MGLL: variants seen among roughly 807,000 people sequenced by gnomAD.
The protein encoded by MGLL is monoglyceride lipase, also known as lysophospholipase homolog.
In MGLL, 7 loss-of-function variants were observed where a neutral mutation model predicts 29.1. The observed-to-expected ratio is 0.24, with a 90% CI of 0.14 to 0.45. The LOEUF (loss-of-function observed/expected upper bound fraction) is 0.45. Among genes scored for constraint, MGLL ranks in the 20% least tolerant of loss-of-function variants. The pLI is 0.99. For synonymous variants in MGLL, 148 were observed against 168.3 expected, an observed-to-expected ratio of 0.88 and a Z score of 0.93; for missense variants, 356 against 413.6, an observed-to-expected ratio of 0.86 and a Z score of 1.21.
chr3:127,717,395 A>G (rs2075836074), intron 5 of MGLL, among the ~76,000 whole-genome samples: 2 of 152,226 alleles, frequency 1.3e-5, no homozygotes, highest in South Asian at 4.1e-4. Context: ...CTGGTGCTCA[A>G]GCTGACTCGA....
intron 6 of MGLL, among the ~76,000 whole-genome samples, chr3:127,705,758 G>T (rs1317351605): frequency 7.2e-6 from 1 of 139,110 alleles, no homozygotes; most frequent in Non-Finnish European, 1.5e-5. Context: ...CCTGGGCGAC[G>T]AGAGAGAAAC....
At chr3:127,714,927 G>C (rs2107613188) in intron 5 of MGLL, among the ~76,000 whole-genome samples, 1 of 152,324 alleles carries the variant, frequency 6.6e-6, no homozygotes, top group Middle Eastern at 3.4e-3. Flanking sequence ...ATGGTAGCGG[G>C]CACAGCACAC....
In MGLL at chr3:127,691,125, A is replaced by T. The variant is rs572527266; in HGVS notation, c.*1073T>A. The T allele has an allele frequency of 2.0e-5, 3 of 152,696 alleles. No individual in the cohort carries two copies. The South Asian group carries it at 6.2e-4, about 32-fold the overall frequency. 9.5% of individuals were successfully genotyped at this position (152,696 alleles called of 1,614,324 possible). ...GGCAGGCCCAGGCCCAGGCCTAGGG[A>T]TCATAGCCCCATAGGGTGCCACTGC... On this transcript the variant is annotated 3_prime_UTR_variant, in exon 8 of 8. Transcript: ENST00000265052.
intron 6 of MGLL, among the ~76,000 whole-genome samples, chr3:127,699,242 T>C (rs549849235): frequency 6.6e-6 from 1 of 152,212 alleles, no homozygotes; most frequent in Non-Finnish European, 1.5e-5. Context: ...GGGAAGAAAC[T>C]TTGCACTGAA....
intron 3 of MGLL, among the ~76,000 whole-genome samples, chr3:127,752,464 C>T (rs1414174459): frequency 1.3e-5 from 2 of 152,200 alleles, no homozygotes; most frequent in Non-Finnish European, 2.9e-5. Context: ...CCCTTAACAA[C>T]AGGTCTTGGA....
At chr3:127,751,511 G>A (rs1455507956) in intron 3 of MGLL, among the ~76,000 whole-genome samples, 1 of 151,842 alleles carries the variant, frequency 6.6e-6, no homozygotes, top group Non-Finnish European at 1.5e-5. Context: ...CCAGCCAACA[G>A]CCAGATGATT....
upstream of MGLL, chr3:127,823,161 T>G (rs1432561078): frequency 2.0e-5 from 3 of 151,596 alleles, no homozygotes; most frequent in South Asian, 4.1e-4. Context: ...CGGGACGAGC[T>G]GCGCGCGACC....
rs145807213 is a variant in MGLL at position 127,727,670 on chromosome 3, C to T, written c.263-5104G>A. 5.9e-3 allele frequency among the ~76,000 whole-genome samples: 833 copies of T among 140,404 alleles called. 9 individuals are homozygous for T. The highest frequency in any genetic ancestry group is 0.021 in the Middle Eastern group (5 of 238). The allele number at this position is 140,404 out of a possible 152,430, so 92.1% of individuals were successfully genotyped here. On this transcript the variant is annotated intron_variant, in intron 3 of 7. Transcript: ENST00000265052. ...AAGGCTGCAGTGAGCCATGATCGTG[C>T]CACTGGGCTCCAGCCTGGGCAACAG...
At chr3:127,777,073 T>C (rs531939028) in intron 3 of MGLL, among the ~76,000 whole-genome samples, 1,897 of 151,436 alleles carry the variant, frequency 0.013, 44 homozygotes, top group African/African-American at 0.045. Context: ...GGTCATGTTC[T>C]CATTAGGACA....
At chr3:127,714,095 A>G (rs1181275870) in intron 5 of MGLL, 3 of 151,816 alleles carry the variant, frequency 2.0e-5, no homozygotes, top group African/African-American at 7.3e-5. Flanking sequence ...TTCGTAGGAA[A>G]AAAAAAAAAA....
intron 3 of MGLL, among the ~76,000 whole-genome samples, chr3:127,755,058 C>A (rs1008246198): frequency 5.3e-5 from 8 of 152,076 alleles, no homozygotes; most frequent in African/African-American, 1.9e-4. Context: ...CAGTCACGAG[C>A]TGTGGCATCC....
intron 2 of MGLL, among the ~76,000 whole-genome samples, chr3:127,811,235 C>T (rs748917870): frequency 4.4e-5 from 6 of 136,040 alleles, no homozygotes; most frequent in Non-Finnish European, 7.4e-5. Flanking sequence ...ATGCAACAAA[C>T]GTGTTTTGAT....
chr3:127,764,334 G>C (rs1258952275), intron 3 of MGLL, among the ~76,000 whole-genome samples: 2 of 152,214 alleles, frequency 1.3e-5, no homozygotes, highest in Non-Finnish European at 2.9e-5. Context: ...TGCAGACCTG[G>C]AGTGGAAGGG....
At chr3:127,799,708 G>T (rs1269564921) in intron 2 of MGLL, among the ~76,000 whole-genome samples, 3 of 152,152 alleles carry the variant, frequency 2.0e-5, no homozygotes, top group Non-Finnish European at 4.4e-5. Flanking sequence ...CAGGCATCTT[G>T]GCAGCCCCCA....
intron 2 of MGLL, among the ~76,000 whole-genome samples, chr3:127,798,667 A>T (rs1393360303): frequency 1.3e-5 from 2 of 152,130 alleles, no homozygotes; most frequent in African/African-American, 4.8e-5. Flanking sequence ...ATCTGTGCTC[A>T]CACAAATGCC....
Position 127,691,933 on chromosome 3 carries a change from A to G in MGLL, c.*265T>C. 2.1e-6 allele frequency: 1 copy of G among 482,358 alleles called. No homozygotes were observed. The allele number at this position is 482,358 out of a possible 1,614,324, so 29.9% of individuals were successfully genotyped here. Reference sequence around the variant, plus strand: ...AGAGGCTTGGCTTTGTTTTCAGTGGACATTTTAGCACATTCTTTGTGGAAA... The same window carrying G: ...AGAGGCTTGGCTTTGTTTTCAGTGGGCATTTTAGCACATTCTTTGTGGAAA... On this transcript the variant is annotated 3_prime_UTR_variant, in exon 8 of 8. Transcript: ENST00000265052.
In MGLL at chr3:127,822,408, A is replaced by G. The variant is rs897566692; in HGVS notation, c.-90T>C. On this transcript the variant is annotated 5_prime_UTR_variant, in exon 1 of 8. Coordinates refer to ENST00000265052, the MANE Select transcript of MGLL (RefSeq NM_007283.7). ...CTGTTCCCTCATCTGGGCGGCCCCA[A>G]GGCAGCAGGAAGGCAGCTCCGAGCC... 21 of 1,423,712 alleles carry G rather than the reference A, an allele frequency of 1.5e-5. No homozygotes were observed. Among genetic ancestry groups the G allele is most frequent in the African/African-American group, 1.1e-4 (8 of 70,600 alleles). 88.2% of individuals were successfully genotyped at this position (1,423,712 alleles called of 1,614,324 possible). A position where few individuals can be genotyped will look rare whatever the true frequency, so the allele number is the denominator to read the frequency against.
At chr3:127,730,545 C>T (rs915591806) in intron 3 of MGLL, among the ~76,000 whole-genome samples, 1 of 152,156 alleles carries the variant, frequency 6.6e-6, no homozygotes, top group Admixed American at 6.5e-5. Context: ...ATGGCATCCA[C>T]TGTAATTCCC....
At chr3:127,742,363 G>A (rs979181351) in intron 3 of MGLL, among the ~76,000 whole-genome samples, 1 of 152,146 alleles carries the variant, frequency 6.6e-6, no homozygotes, top group Admixed American at 6.5e-5. Flanking sequence ...GCCAATGTGG[G>A]TGGATCACCT....
Sources: allele counts gnomAD v4.1 joint callset (sites outside exome capture counted in the v4.1 genomes callset), GRCh38; gene constraint gnomAD v4.1.1; transcripts MANE v1.5; gene names NCBI Gene and HGNC (gene_info 2026-07-23, HGNC 2026-07-21).